SORCS3: variants seen among roughly 807,000 people sequenced by gnomAD.
SORCS3 encodes VPS10 domain-containing receptor SorCS3.
Under a neutral mutation model 146.3 loss-of-function variants are expected in SORCS3, and 57 were observed. The ratio of observed to expected loss-of-function variants is 0.39; its 90% confidence interval spans 0.31 to 0.49. The LOEUF (loss-of-function observed/expected upper bound fraction) is 0.49. SORCS3 is among the 20% of genes least tolerant of loss of function. The pLI is 0.92. For missense variants in SORCS3, 1,341 were observed against 1,575.5 expected, an observed-to-expected ratio of 0.85 and a Z score of 2.52; for synonymous variants, 653 against 618.5, an observed-to-expected ratio of 1.06 and a Z score of -0.83.
intron 1 of SORCS3, among the ~76,000 whole-genome samples, chr10:104,801,859 C>T (rs1341099908): frequency 2.0e-5 from 3 of 152,208 alleles, no homozygotes; most frequent in Non-Finnish European, 2.9e-5. Context: ...TTGGAAATTT[C>T]TACCACTTTT....
intron 4 of SORCS3, among the ~76,000 whole-genome samples, chr10:105,015,065 A>C (rs976404646): frequency 6.6e-6 from 1 of 152,236 alleles, no homozygotes; most frequent in African/African-American, 2.4e-5. Context: ...AATGCAAATT[A>C]AGACTATAGT....
At chr10:104,848,727 G>C (rs1167696438) in intron 2 of SORCS3, among the ~76,000 whole-genome samples, 1 of 152,130 alleles carries the variant, frequency 6.6e-6, no homozygotes. Context: ...ACTCCTGAAT[G>C]GGTCACAGAA....
chr10:105,127,738 G>C (rs1174222646), intron 7 of SORCS3, among the ~76,000 whole-genome samples: 1 of 152,080 alleles, frequency 6.6e-6, no homozygotes, highest in Non-Finnish European at 1.5e-5. Flanking sequence ...ACAACAGCTG[G>C]TAAGTGCAAC....
At chr10:105,004,000 C>CTTTTTTTTTTTTTTTTTTTTT (rs1226455197) in intron 4 of SORCS3, among the ~76,000 whole-genome samples, 5 of 140,228 alleles carry the variant, frequency 3.6e-5, no homozygotes, top group Non-Finnish European at 3.1e-5. Flanking sequence ...TCTTCTCTCT[C>CTTTTTTTTTTTTTTTTTTTTT]TTTTTTTTTT....
intron 1 of SORCS3, among the ~76,000 whole-genome samples, chr10:104,757,320 C>A (rs2017065535): frequency 6.6e-6 from 1 of 152,180 alleles, no homozygotes; most frequent in African/African-American, 2.4e-5. Context: ...AGCAATTACC[C>A]AGTTATTAAA....
At chr10:105,139,650 T>G (rs1589651891) in intron 8 of SORCS3, among the ~76,000 whole-genome samples, 164 bp downstream of exon 8, 1 of 151,922 alleles carries the variant, frequency 6.6e-6, no homozygotes, top group South Asian at 2.1e-4. Flanking sequence ...GTGCACAACC[T>G]GGATTCTGTA....
At chr10:104,907,559 G>A (rs972049679) in intron 2 of SORCS3, among the ~76,000 whole-genome samples, 11 of 152,180 alleles carry the variant, frequency 7.2e-5, no homozygotes, top group African/African-American at 4.8e-5. Context: ...TATCTGATCC[G>A]AACCATGAAT....
At chr10:104,669,235 C>T (rs1342959952) in intron 1 of SORCS3, among the ~76,000 whole-genome samples, 1 of 152,144 alleles carries the variant, frequency 6.6e-6, no homozygotes, top group Non-Finnish European at 1.5e-5. Context: ...TTTATTGTGG[C>T]AAAATACACA....
rs193266829 is a variant in SORCS3, at chr10:104,902,968, C to A, written c.696-12865C>A. 5.8e-3 allele frequency among the ~76,000 whole-genome samples: 888 copies of A among 152,300 alleles called. 7 individuals carry two copies. The highest frequency in any genetic ancestry group is 0.017 in the South Asian group (81 of 4,826). ...AATAGGAAATGACCATGGAGACCCC[C>A]TGAGCAGGTGAATCAGTGAAACCCT... On this transcript the variant is annotated intron_variant, in intron 2 of 26. Transcript: ENST00000369701.
chr10:105,179,910 T>G (rs1382590183), intron 14 of SORCS3, among the ~76,000 whole-genome samples: 3 of 152,180 alleles, frequency 2.0e-5, no homozygotes, highest in Non-Finnish European at 2.9e-5. Flanking sequence ...ATTAATAAAG[T>G]AGGTCATTCA....
intron 1 of SORCS3, among the ~76,000 whole-genome samples, chr10:104,828,060 C>G (rs751564330): frequency 6.6e-6 from 1 of 152,132 alleles, no homozygotes; most frequent in African/African-American, 2.4e-5. Context: ...ACCTTTTTCC[C>G]TATCAGCAAT....
In SORCS3 at chr10:104,830,067, G is replaced by A. The variant is rs146115729; in HGVS notation, c.628-12725G>A. ...TCCTTTGCCTAGCCCCCCAACCCCC[G>A]ACAGGCCCTGGTGTGTGTTGTTCCT... On this transcript the variant is annotated intron_variant, in intron 1 of 26. Coordinates refer to ENST00000369701, the MANE Select transcript of SORCS3 (RefSeq NM_014978.3). Among the ~76,000 whole-genome samples, 449 of 151,952 alleles carry A rather than the reference G, an allele frequency of 3.0e-3. 1 individual carries two copies. Among genetic ancestry groups the A allele is most frequent in the African/African-American group, 0.01 (417 of 41,420 alleles).
intron 11 of SORCS3, among the ~76,000 whole-genome samples, chr10:105,161,538 C>T (rs2056262842): frequency 6.6e-6 from 1 of 152,064 alleles, no homozygotes; most frequent in South Asian, 2.1e-4. Context: ...GGATTCATCT[C>T]TTAACTCCTG....
chr10:104,941,376 A>T (rs1341725997), intron 3 of SORCS3, among the ~76,000 whole-genome samples: 1 of 152,216 alleles, frequency 6.6e-6, no homozygotes, highest in African/African-American at 2.4e-5. Flanking sequence ...TCTTGATTTT[A>T]TAATATAAGG....
chr10:104,667,794 T>G (rs1453131104), intron 1 of SORCS3, among the ~76,000 whole-genome samples: 3 of 152,234 alleles, frequency 2.0e-5, no homozygotes, highest in Non-Finnish European at 2.9e-5. Flanking sequence ...ACCTTTTCTC[T>G]TAATACAACT....
chr10:105,178,783 A>G lies in SORCS3; in HGVS notation c.2009+610A>G, dbSNP rs149985359. ...GGTAACCGTAATCCTCCACCAACCA[A>G]TACTGTCCCCCACCTCCCCTACTCC... On this transcript the variant is annotated intron_variant, in intron 14 of 26. Transcript: ENST00000369701. Among the ~76,000 whole-genome samples, 666 of 152,246 alleles carry G rather than the reference A, an allele frequency of 4.4e-3. 7 individuals are homozygous for G. The highest frequency in any genetic ancestry group is 0.016 in the African/African-American group (651 of 41,532).
At chr10:104,951,231 C>T (rs1183532078) in intron 3 of SORCS3, among the ~76,000 whole-genome samples, 1 of 152,166 alleles carries the variant, frequency 6.6e-6, no homozygotes, top group African/African-American at 2.4e-5. Flanking sequence ...CTCTATTAGA[C>T]TGTAAATTTC....
At chr10:105,002,035 A>G (rs943144741) in intron 4 of SORCS3, among the ~76,000 whole-genome samples, 1 of 152,248 alleles carries the variant, frequency 6.6e-6, no homozygotes, top group Admixed American at 6.5e-5. Context: ...ACACGTGGGG[A>G]ATGTGACTGC....
At chr10:104,954,902 T>C (rs1438751032) in intron 3 of SORCS3, among the ~76,000 whole-genome samples, 3 of 152,214 alleles carry the variant, frequency 2.0e-5, no homozygotes. Flanking sequence ...CTAGTTTTTC[T>C]GGATAAGTGA....
Sources: gnomAD v4.1 joint callset for allele counts (sites outside exome capture counted in the v4.1 genomes callset) on GRCh38, gnomAD v4.1.1 for gene constraint, MANE v1.5 for transcripts, NCBI Gene and HGNC (gene_info 2026-07-23, HGNC 2026-07-21) for gene names.